ARHGAP25: variants seen among roughly 807,000 people sequenced by gnomAD.
ARHGAP25 encodes Rho GTPase activating protein 25, also known as rho GTPase-activating protein 25.
ARHGAP25 carries 34 observed loss-of-function variants against 71.0 expected under a neutral mutation model. The ratio of observed to expected loss-of-function variants is 0.48; its 90% CI spans 0.36 to 0.64. The LOEUF (loss-of-function observed/expected upper bound fraction) is 0.64, where lower values mean the gene tolerates loss of function less well. Among genes scored for constraint, ARHGAP25 ranks in the 30% least tolerant of loss-of-function variants. The pLI, the probability that ARHGAP25 is intolerant of heterozygous loss-of-function variation, is 0.00. For missense variants in ARHGAP25, 706 were observed against 805.1 expected (o/e 0.88, Z 1.49); for synonymous variants, 282 against 296.5 (o/e 0.95, Z 0.50).
At chr2:68,799,041 A>C (rs1487927980) in intron 4 of ARHGAP25, among the ~76,000 whole-genome samples, 1 of 152,164 alleles carries the variant, frequency 6.6e-6, no homozygotes, top group Non-Finnish European at 1.5e-5. Flanking sequence ...ACCAGATATG[A>C]AACTCAAGCC....
chr2:68,770,311 A>C (rs1558624984), intron 1 of ARHGAP25, among the ~76,000 whole-genome samples: 1 of 152,156 alleles, frequency 6.6e-6, no homozygotes, highest in South Asian at 2.1e-4. Flanking sequence ...AAGCCATGCA[A>C]ATTCTACTCC....
At chr2:68,742,919 T>A (rs546595525) in intron 1 of ARHGAP25, among the ~76,000 whole-genome samples, 8 of 152,252 alleles carry the variant, frequency 5.3e-5, no homozygotes, top group Non-Finnish European at 1.2e-4. Context: ...TTGCATGAAT[T>A]GTGTCAATTT....
intron 2 of ARHGAP25, among the ~76,000 whole-genome samples, chr2:68,781,445 C>G (rs1256213745): frequency 6.6e-6 from 1 of 152,156 alleles, no homozygotes; most frequent in African/African-American, 2.4e-5. Context: ...GATAAAGCAC[C>G]ATGCACACAC....
At chr2:68,752,270 A>T (rs923161359) in intron 1 of ARHGAP25, among the ~76,000 whole-genome samples, 1 of 152,246 alleles carries the variant, frequency 6.6e-6, no homozygotes, top group Non-Finnish European at 1.5e-5. Flanking sequence ...AACATAAGTC[A>T]TGGTTCCATT....
chr2:68,774,073 C>A (rs1287650580), intron 1 of ARHGAP25, among the ~76,000 whole-genome samples: 1 of 152,020 alleles, frequency 6.6e-6, no homozygotes, highest in African/African-American at 2.4e-5. Flanking sequence ...TTAGCTGTGT[C>A]ATGAGTGGTC....
At chr2:68,724,880 A>G (rs1265302153) in intron 2 of ARHGAP25, among the ~76,000 whole-genome samples, 2 of 152,202 alleles carry the variant, frequency 1.3e-5, no homozygotes, top group Non-Finnish European at 2.9e-5. Context: ...GAGAGCAGAT[A>G]AGATTGATCC....
chr2:68,818,570 T>G (rs968321937), intron 8 of ARHGAP25, among the ~76,000 whole-genome samples: 3 of 152,166 alleles, frequency 2.0e-5, no homozygotes, highest in Admixed American at 2.0e-4. Context: ...TCAAGTGATC[T>G]TCCCACCTCG....
intron 2 of ARHGAP25, among the ~76,000 whole-genome samples, chr2:68,776,293 A>G (rs1051036980): frequency 6.6e-6 from 1 of 151,960 alleles, no homozygotes; most frequent in Admixed American, 6.6e-5. Context: ...AGGCCACTGT[A>G]AGGACCTGAG....
At chr2:68,711,264 C>A (rs1674475493) in intron 2 of ARHGAP25, among the ~76,000 whole-genome samples, 1 of 152,154 alleles carries the variant, frequency 6.6e-6, no homozygotes, top group African/African-American at 2.4e-5. Flanking sequence ...GGTGAATTTT[C>A]CCATAAGTCC....
chr2:68,741,332 A>T (rs1675509964), intron 1 of ARHGAP25, among the ~76,000 whole-genome samples: 1 of 152,172 alleles, frequency 6.6e-6, no homozygotes, highest in African/African-American at 2.4e-5. Flanking sequence ...GTTGCTTGGG[A>T]ATTCAGTGCT....
intron 6 of ARHGAP25, among the ~76,000 whole-genome samples, chr2:68,815,316 G>T (rs117220576): frequency 1.3e-5 from 2 of 152,160 alleles, no homozygotes; most frequent in Non-Finnish European, 1.5e-5. Flanking sequence ...CTGATGCTAC[G>T]CTAAGAAGGT....
At chr2:68,825,724 G>A (rs990983682) in intron 10 of ARHGAP25, among the ~76,000 whole-genome samples, 3 of 152,032 alleles carry the variant, frequency 2.0e-5, no homozygotes, top group Admixed American at 6.6e-5. Context: ...GCAGTGAGCC[G>A]AGATCGCGTC....
At chr2:68,788,920 A>G (rs1026067029) in intron 4 of ARHGAP25, among the ~76,000 whole-genome samples, 1 of 152,228 alleles carries the variant, frequency 6.6e-6, no homozygotes, top group African/African-American at 2.4e-5. Flanking sequence ...GTGGAAAGTA[A>G]AGAAAAAATA....
chr2:68,711,032 C>A (rs1332899180), intron 2 of ARHGAP25, among the ~76,000 whole-genome samples: 1 of 152,172 alleles, frequency 6.6e-6, no homozygotes, highest in East Asian at 1.9e-4. Flanking sequence ...TGAACTTGGC[C>A]TTTTAAGTTT....
chr2:68,787,379 C>A (rs1477243427), intron 3 of ARHGAP25, among the ~76,000 whole-genome samples: 1 of 152,224 alleles, frequency 6.6e-6, no homozygotes, highest in African/African-American at 2.4e-5. Flanking sequence ...AAGCACACAT[C>A]TATTCACTGT....
At chr2:68,727,215 G>T (rs771905927) in intron 2 of ARHGAP25, among the ~76,000 whole-genome samples, 4 of 152,164 alleles carry the variant, frequency 2.6e-5, no homozygotes, top group Admixed American at 6.5e-5. Flanking sequence ...GCACGAGCCA[G>T]GTGGGAAATA....
chr2:68,801,554 TG>T (rs1278935524), intron 4 of ARHGAP25, among the ~76,000 whole-genome samples: 1 of 152,128 alleles, frequency 6.6e-6, no homozygotes, highest in African/African-American at 2.4e-5. Context: ...TTGGTCTCCT[TG>T]ACAAGAATAG....
chr2:68,796,862 A>T (rs11691280), intron 4 of ARHGAP25, among the ~76,000 whole-genome samples: 48,527 of 151,796 alleles, frequency 0.32, 8,517 homozygotes, highest in Non-Finnish European at 0.38. Context: ...GGCAGCGAGG[A>T]TGGTGGGGGC....
At chr2:68,802,225 G>A (rs1254663474) in intron 4 of ARHGAP25, among the ~76,000 whole-genome samples, 1 of 132,176 alleles carries the variant, frequency 7.6e-6, no homozygotes, top group African/African-American at 2.5e-5. Context: ...TGGCTAACAC[G>A]GAGAAACCCC....
Sources: allele counts gnomAD v4.1 joint callset (sites outside exome capture counted in the v4.1 genomes callset), GRCh38; gene constraint gnomAD v4.1.1; transcripts MANE v1.5; gene names NCBI Gene and HGNC (gene_info 2026-07-23, HGNC 2026-07-21).